Variants in VAV3 observed in about 807,000 individuals in gnomAD.
VAV3 encodes the protein guanine nucleotide exchange factor VAV3.
Under a neutral mutation model 131.2 loss-of-function variants are expected in VAV3, and 94 were observed. The observed-to-expected ratio is 0.72, with a 90% CI of 0.61 to 0.85. The LOEUF (loss-of-function observed/expected upper bound fraction) is 0.85. Among genes scored for constraint, VAV3 ranks in the 40% least tolerant of loss-of-function variants. The probability of loss-of-function intolerance (pLI) is 0.00; values close to 1 mark genes in which losing one functional copy is unlikely to be tolerated. For synonymous variants in VAV3, 349 were observed against 342.0 expected (o/e 1.02, Z -0.22); for missense variants, 939 against 1,002.7 (o/e 0.94, Z 0.86).
In VAV3 at chr1:107,791,567, C is replaced by T. The variant is rs548610502; in HGVS notation, c.322-12075G>A. ...AGAGACCCTGGCTGAATGTTAGAAACATCTGTGGAGCTTTTGAAAAACACT... is the reference window on the plus strand; with the variant it reads ...AGAGACCCTGGCTGAATGTTAGAAATATCTGTGGAGCTTTTGAAAAACACT... On this transcript the variant is annotated intron_variant, in intron 2 of 26. Coordinates refer to ENST00000370056, the MANE Select transcript of VAV3 (RefSeq NM_006113.5). 2.0e-5 allele frequency among the ~76,000 whole-genome samples: 3 copies of T among 152,292 alleles called. No individual in the cohort carries two copies. In the East Asian group the frequency reaches 5.8e-4, roughly 29 times the overall value.
At chr1:107,647,254 T>C (rs1341748212) in intron 19 of VAV3, among the ~76,000 whole-genome samples, 1 of 149,732 alleles carries the variant, frequency 6.7e-6, no homozygotes, top group Non-Finnish European at 1.5e-5. Context: ...GTAGGTAATA[T>C]GCTAGCCTTT....
At chr1:107,736,441 T>C (rs543632952) in intron 15 of VAV3, among the ~76,000 whole-genome samples, 32 of 152,148 alleles carry the variant, frequency 2.1e-4, no homozygotes, top group South Asian at 6.2e-4. Context: ...GATGACACGA[T>C]TGTATATTTA....
rs1323629012 is a variant in VAV3, at chr1:107,811,075, AACAG to A, written c.322-31587_322-31584del. On this transcript the variant is annotated intron_variant, in intron 2 of 26. Coordinates refer to ENST00000370056, the MANE Select transcript of VAV3 (RefSeq NM_006113.5). ...TCTACTCATGAAGGTGCTCTGAATT[AACAG>A]ACAGTCTAATTTCCTTCTAAAACAG... Among the ~76,000 whole-genome samples the A allele has an allele frequency of 5.9e-5, 9 of 152,232 alleles. No individual in the cohort carries two copies. The East Asian group carries it at 9.6e-4, about 16-fold the overall frequency.
intron 1 of VAV3, among the ~76,000 whole-genome samples, chr1:107,929,620 T>C (rs1030972915): frequency 6.6e-6 from 1 of 152,120 alleles, no homozygotes; most frequent in Admixed American, 6.5e-5. Flanking sequence ...TAACTACAAC[T>C]TTTCCAGACA....
At chr1:107,895,296 GCT>G (rs1198448455) in intron 1 of VAV3, among the ~76,000 whole-genome samples, 1 of 152,126 alleles carries the variant, frequency 6.6e-6, no homozygotes, top group Non-Finnish European at 1.5e-5. Flanking sequence ...GAAAACCATG[GCT>G]AACATTTGTA....
Position 107,704,559 on chromosome 1 carries a change from T to G in VAV3, c.1696A>C (p.Asn566His). The G allele has an allele frequency of 6.2e-7, 1 of 1,613,078 alleles. No homozygotes were observed. Among genetic ancestry groups the G allele is most frequent in the Non-Finnish European group, 8.5e-7 (1 of 1,179,208 alleles). The change falls in exon 17 of 27, where the codon AAT becomes CAT. Residue 566 changes from asparagine to histidine, a missense_variant. Transcript: ENST00000370056. ...LGRVDNCGRV[N>H]SGEQGTLKLP... ...AATAAACATGACTTACCACCAGAAT[T>G]AACTCTGCCACAATTGTCTACTCTT...
At chr1:107,642,286 T>A (rs1191232165) in intron 20 of VAV3, among the ~76,000 whole-genome samples, 1 of 152,158 alleles carries the variant, frequency 6.6e-6, no homozygotes. Flanking sequence ...AAGTGACCTC[T>A]GGTCGTCCTC....
Position 107,788,683 on chromosome 1 carries a change from A to G in VAV3, c.322-9191T>C, listed in dbSNP as rs569932167. On this transcript the variant is annotated intron_variant, in intron 2 of 26. Coordinates refer to ENST00000370056, the MANE Select transcript of VAV3 (RefSeq NM_006113.5). ...CATGCAGTTAGCTGCCTGAAAGCACAGTTTTCTAGATAGAAATATTCCCTG... is the reference window on the plus strand; with the variant it reads ...CATGCAGTTAGCTGCCTGAAAGCACGGTTTTCTAGATAGAAATATTCCCTG... Among the ~76,000 whole-genome samples, 3 of 152,324 alleles carry G rather than the reference A, an allele frequency of 2.0e-5. No homozygotes were observed. In the East Asian group the frequency reaches 5.8e-4, roughly 29 times the overall value.
At chr1:107,922,796 C>A (rs1471700353) in intron 1 of VAV3, among the ~76,000 whole-genome samples, 1 of 151,530 alleles carries the variant, frequency 6.6e-6, no homozygotes, top group Non-Finnish European at 1.5e-5. Flanking sequence ...ACTAAAAATA[C>A]AAAAAATTAG....
chr1:107,742,725 C>T (rs558704111), intron 15 of VAV3, among the ~76,000 whole-genome samples: 2 of 152,258 alleles, frequency 1.3e-5, no homozygotes, highest in South Asian at 4.2e-4. Flanking sequence ...ATAAACAAAA[C>T]AGAATCCTTA....
intron 8 of VAV3, among the ~76,000 whole-genome samples, chr1:107,765,584 A>G (rs931394690): frequency 6.6e-6 from 1 of 152,238 alleles, no homozygotes. Flanking sequence ...CAATCACTAC[A>G]TATAACTCCT....
At chr1:107,947,772 T>C (rs1316430290) in intron 1 of VAV3, among the ~76,000 whole-genome samples, 2 of 152,164 alleles carry the variant, frequency 1.3e-5, no homozygotes, top group East Asian at 1.9e-4. Flanking sequence ...TTAAAAAATA[T>C]CTAGCATTCT....
At position 107,805,821 on chromosome 1, in the gene VAV3, A is replaced by T. The variant is rs372535540; in HGVS notation, c.322-26329T>A. 2.1e-4 allele frequency among the ~76,000 whole-genome samples: 32 copies of T among 152,154 alleles called. No individual in the cohort carries two copies. In the South Asian group the frequency reaches 5.2e-3, roughly 25 times the overall value. On this transcript the variant is annotated intron_variant, in intron 2 of 26. Coordinates refer to ENST00000370056, the MANE Select transcript of VAV3 (RefSeq NM_006113.5). ...AGATTCTTTGTAATTTACCTGTTAC[A>T]TTCTTTTTTCTTTGCTAGGTTGTGG...
chr1:107,643,966 G>A (rs1241662909), intron 19 of VAV3, among the ~76,000 whole-genome samples: 1 of 152,068 alleles, frequency 6.6e-6, no homozygotes, highest in Non-Finnish European at 1.5e-5. Context: ...GTCAGGAGTT[G>A]CTACATCCTC....
intron 1 of VAV3, among the ~76,000 whole-genome samples, chr1:107,915,202 A>G (rs570803351): frequency 6.6e-6 from 1 of 152,330 alleles, no homozygotes; most frequent in East Asian, 1.9e-4. Flanking sequence ...GTCAAACAAA[A>G]TTATCACCAT....
At chr1:107,631,854 C>A (rs1654518781) in intron 20 of VAV3, among the ~76,000 whole-genome samples, 3 of 152,030 alleles carry the variant, frequency 2.0e-5, no homozygotes, top group African/African-American at 4.8e-5. Flanking sequence ...ATATCTGCCA[C>A]ATTTTCTTAA....
At position 107,688,437 on chromosome 1, in the gene VAV3, G is replaced by T. The variant is rs372919907; in HGVS notation, c.1706-31C>A. The T allele has an allele frequency of 1.4e-5, 23 of 1,613,032 alleles. No homozygotes were observed. In the African/African-American group the frequency reaches 2.8e-4, roughly 20 times the overall value. On this transcript the variant is annotated intron_variant, in intron 17 of 26. Transcript: ENST00000370056. ...AGAAATGTAAAAATTGGCATTGTCA[G>T]TGTAAAGTTATTTTGTTTGGTTAGC...
At position 107,582,449 on chromosome 1, in the gene VAV3, G is replaced by A. The variant is rs148664628; in HGVS notation, c.2351-8251C>T. Among the ~76,000 whole-genome samples the A allele has an allele frequency of 8.2e-3, 1,246 of 151,940 alleles. 16 individuals carry two copies. The highest frequency in any genetic ancestry group is 0.024 in the Admixed American group (359 of 15,256). On this transcript the variant is annotated intron_variant, in intron 25 of 26. Coordinates refer to ENST00000370056, the MANE Select transcript of VAV3 (RefSeq NM_006113.5). Reference sequence around the variant, plus strand: ...TATTATACTTTAAGTTTTAGGGTACGTGTGCACAATGTGCAGGTTAGTTAC... The same window carrying A: ...TATTATACTTTAAGTTTTAGGGTACATGTGCACAATGTGCAGGTTAGTTAC...
At chr1:107,877,923 C>A (rs191201697) in intron 1 of VAV3, among the ~76,000 whole-genome samples, 1 of 152,098 alleles carries the variant, frequency 6.6e-6, no homozygotes, top group Non-Finnish European at 1.5e-5. Flanking sequence ...TGGCTCTGTG[C>A]ACATATAGGA....
Sources: gnomAD v4.1 joint callset for allele counts (sites outside exome capture counted in the v4.1 genomes callset) on GRCh38, gnomAD v4.1.1 for gene constraint, MANE v1.5 for transcripts, NCBI Gene and HGNC (gene_info 2026-07-23, HGNC 2026-07-21) for gene names.